The following NECAB1 variants were observed in gnomAD, a reference collection of about 807,000 sequenced individuals.
NECAB1 encodes N-terminal EF-hand calcium binding protein 1.
NECAB1 carries 29 observed loss-of-function variants against 57.5 expected under a neutral mutation model. The observed-to-expected ratio is 0.50, with a 90% CI of 0.38 to 0.69. NECAB1 has a LOEUF of 0.69. Ranked by LOEUF, NECAB1 falls within the 30% of genes least tolerant of loss-of-function variation. The probability of loss-of-function intolerance (pLI) is 0.00; values close to 1 mark genes in which losing one functional copy is unlikely to be tolerated. For missense variants in NECAB1, 372 were observed against 413.8 expected (o/e 0.90, Z 0.88); for synonymous variants, 142 against 147.7 (o/e 0.96, Z 0.28).
intron 1 of NECAB1, among the ~76,000 whole-genome samples, chr8:90,797,703 G>A (rs1335410600): frequency 6.6e-6 from 1 of 152,114 alleles, no homozygotes; most frequent in Non-Finnish European, 1.5e-5. Flanking sequence ...TTTTCTATTA[G>A]CATATCTATC....
chr8:90,913,233 T>C (rs1039284337), intron 5 of NECAB1, among the ~76,000 whole-genome samples: 5 of 152,186 alleles, frequency 3.3e-5, no homozygotes, highest in African/African-American at 1.2e-4. Context: ...TCAAATGAAT[T>C]CTAGCCCTGT....
chr8:90,914,959 C>T (rs1809916503), intron 5 of NECAB1, among the ~76,000 whole-genome samples: 1 of 152,132 alleles, frequency 6.6e-6, no homozygotes, highest in East Asian at 1.9e-4. Context: ...TTTAAAATGA[C>T]TAACTATAAT....
chr8:90,803,992 C>G (rs1159921934), intron 2 of NECAB1, among the ~76,000 whole-genome samples: 1 of 152,184 alleles, frequency 6.6e-6, no homozygotes, highest in Non-Finnish European at 1.5e-5. Context: ...GTTCTCAGCA[C>G]TTTGGCACAT....
rs544353602 is a variant in NECAB1 at position 90,926,086 on chromosome 8, A to G, written c.616+430A>G. 5.9e-5 allele frequency among the ~76,000 whole-genome samples: 9 copies of G among 152,296 alleles called. No homozygotes were observed. The South Asian group carries it at 1.9e-3, about 32-fold the overall frequency. On this transcript the variant is annotated intron_variant, in intron 7 of 12. Transcript: ENST00000417640. Reference sequence around the variant, plus strand: ...GGATTAGTCATAGCTGGTGTTTTTGAAGTTTGTAATGTGATATAAGATTTA... The same window carrying G: ...GGATTAGTCATAGCTGGTGTTTTTGGAGTTTGTAATGTGATATAAGATTTA...
intron 1 of NECAB1, among the ~76,000 whole-genome samples, chr8:90,800,332 C>T (rs1186376045): frequency 2.0e-5 from 3 of 152,124 alleles, no homozygotes; most frequent in Non-Finnish European, 4.4e-5. Context: ...CAAGGACTTC[C>T]AGTACTATGT....
intron 5 of NECAB1, among the ~76,000 whole-genome samples, chr8:90,898,545 C>T (rs1809419387): frequency 6.6e-6 from 1 of 152,124 alleles, no homozygotes; most frequent in African/African-American, 2.4e-5. Flanking sequence ...GAGTTTGAAG[C>T]CTAGTTGCTG....
At chr8:90,792,951 T>G (rs956744584) in intron 1 of NECAB1, among the ~76,000 whole-genome samples, 1 of 152,142 alleles carries the variant, frequency 6.6e-6, no homozygotes, top group African/African-American at 2.4e-5. Flanking sequence ...CGTGTCTATC[T>G]CAGTGGGGAC....
chr8:90,795,423 A>C lies in NECAB1; in HGVS notation c.99+3438A>C, dbSNP rs1586026669. 2.6e-5 allele frequency among the ~76,000 whole-genome samples: 4 copies of C among 152,000 alleles called. No homozygotes were observed. In the South Asian group the frequency reaches 8.3e-4, roughly 32 times the overall value. ...AAGAGGCTGGAAAGTTGTGAGGGGG[A>C]TGAATGACTTTACTGCTTGTCTTCC... On this transcript the variant is annotated intron_variant, in intron 1 of 12. Coordinates refer to ENST00000417640, the MANE Select transcript of NECAB1 (RefSeq NM_022351.5).
chr8:90,867,106 A>G (rs2129829606), intron 3 of NECAB1, among the ~76,000 whole-genome samples: 1 of 152,314 alleles, frequency 6.6e-6, no homozygotes, highest in South Asian at 2.1e-4. Flanking sequence ...ACTACTAACA[A>G]TGTAGCACAG....
intron 2 of NECAB1, among the ~76,000 whole-genome samples, chr8:90,823,694 G>A (rs1812181855): frequency 6.6e-6 from 1 of 151,782 alleles, no homozygotes. Flanking sequence ...TAGAGTTGTT[G>A]GTAGAAGTAC....
At chr8:90,823,868 T>A (rs1480742936) in intron 2 of NECAB1, among the ~76,000 whole-genome samples, 1 of 151,858 alleles carries the variant, frequency 6.6e-6, no homozygotes, top group African/African-American at 2.4e-5. Context: ...CTTCCCTCTC[T>A]TTTCTCATCC....
Position 90,854,838 on chromosome 8 carries a change from T to C in NECAB1, c.234-17290T>C, listed in dbSNP as rs146411225. ...ACCATGGGAGTGTAACCAAAAAATA[T>C]CTGGTTCTGTCAAGAATGCTCCCAG... On this transcript the variant is annotated intron_variant, in intron 3 of 12. Coordinates refer to ENST00000417640, the MANE Select transcript of NECAB1 (RefSeq NM_022351.5). Among the ~76,000 whole-genome samples, 540 of 152,266 alleles carry C rather than the reference T, an allele frequency of 3.5e-3. 2 individuals are homozygous for C. The highest frequency in any genetic ancestry group is 5.4e-3 in the Non-Finnish European group (368 of 68,010).
intron 3 of NECAB1, among the ~76,000 whole-genome samples, chr8:90,849,686 A>ATTTTTTTT (rs34779201): frequency 3.8e-4 from 32 of 84,122 alleles, no homozygotes; most frequent in African/African-American, 6.5e-4. Flanking sequence ...GTTTCCAGTA[A>ATTTTTTTT]TTTTTTTTTT....
At chr8:90,837,008 G>A (rs561864331) in intron 3 of NECAB1, among the ~76,000 whole-genome samples, 1 of 152,140 alleles carries the variant, frequency 6.6e-6, no homozygotes, top group Non-Finnish European at 1.5e-5. Flanking sequence ...CTTTAACTCA[G>A]GATCTTTGCA....
intron 3 of NECAB1, among the ~76,000 whole-genome samples, chr8:90,830,813 A>T (rs1331788929): frequency 6.6e-6 from 1 of 152,142 alleles, no homozygotes; most frequent in Non-Finnish European, 1.5e-5. Context: ...CAGAGGAACC[A>T]CAAAGCTGTG....
chr8:90,910,499 G>A (rs931158577), intron 5 of NECAB1, among the ~76,000 whole-genome samples: 5 of 152,044 alleles, frequency 3.3e-5, no homozygotes. Context: ...GAAAAAATAA[G>A]GCAGCTTTTC....
intron 2 of NECAB1, among the ~76,000 whole-genome samples, chr8:90,802,158 G>A (rs2130644663): frequency 6.6e-6 from 1 of 152,270 alleles, no homozygotes; most frequent in South Asian, 2.1e-4. Context: ...GCTTTAACAT[G>A]GCTTTGGAGA....
At chr8:90,869,037 C>T (rs1808569949) in intron 3 of NECAB1, among the ~76,000 whole-genome samples, 2 of 152,240 alleles carry the variant, frequency 1.3e-5, no homozygotes, top group African/African-American at 4.8e-5. Flanking sequence ...GCTCCAGCTC[C>T]AGCCACGGCT....
chr8:90,879,062 T>TTATATATAATATATATTATATATCTTA (rs1808785165), intron 4 of NECAB1, among the ~76,000 whole-genome samples: 4 of 140,312 alleles, frequency 2.9e-5, no homozygotes, highest in Non-Finnish European at 6.0e-5. Flanking sequence ...AATATATATC[T>TTATATATAATATATATTATATATCTTA]TATATATAAT....
Sources: allele counts gnomAD v4.1 joint callset (sites outside exome capture counted in the v4.1 genomes callset), GRCh38; gene constraint gnomAD v4.1.1; transcripts MANE v1.5; gene names NCBI Gene and HGNC (gene_info 2026-07-23, HGNC 2026-07-21).